The following PRKCB variants were observed in gnomAD, a reference collection of about 807,000 sequenced individuals.
The protein encoded by PRKCB is protein kinase C beta.
PRKCB carries 13 observed loss-of-function variants against 81.5 expected under a neutral mutation model. The ratio of observed to expected loss-of-function variants is 0.16; its 90% CI spans 0.10 to 0.25. The LOEUF is 0.25. Among genes scored for constraint, PRKCB ranks in the 10% least tolerant of loss-of-function variants. The pLI, the probability that PRKCB is intolerant of heterozygous loss-of-function variation, is 1.00. For missense variants in PRKCB, 509 were observed against 875.7 expected (o/e 0.58, Z 5.29); for synonymous variants, 335 against 321.4 (o/e 1.04, Z -0.45).
intron 2 of PRKCB, among the ~76,000 whole-genome samples, chr16:23,881,296 A>G (rs1197287453): frequency 1.5e-5 from 2 of 136,346 alleles, no homozygotes; most frequent in Non-Finnish European, 3.0e-5. Flanking sequence ...TCTGTTGCCC[A>G]GGCTGAAGTG....
Position 24,183,238 on chromosome 16 carries a change from C to A in PRKCB, c.1534-1873C>A, listed in dbSNP as rs538716689. 2.6e-5 allele frequency among the ~76,000 whole-genome samples: 4 copies of A among 152,234 alleles called. No homozygotes were observed. In the East Asian group the frequency reaches 7.7e-4, roughly 29 times the overall value. The stretch of plus-strand genomic sequence containing the variant: ...CATAATTGACCAGTAAAATTGTATA[C>A]ATTTATCATGTGCAACATGTTGTTC... On this transcript the variant is annotated intron_variant, in intron 13 of 16. Transcript: ENST00000643927.
chr16:23,860,444 A>G (rs1962647299), intron 2 of PRKCB, among the ~76,000 whole-genome samples: 1 of 152,216 alleles, frequency 6.6e-6, no homozygotes, highest in Non-Finnish European at 1.5e-5. Flanking sequence ...ACTGGAAGTC[A>G]TGAGAAGTCA....
chr16:23,864,653 G>A (rs72777940), intron 2 of PRKCB, among the ~76,000 whole-genome samples: 13,574 of 152,264 alleles, frequency 0.089, 691 homozygotes, highest in Middle Eastern at 0.18. Context: ...ACGGAAGGTG[G>A]AGTTTGCTTC....
chr16:24,080,053 G>T (rs1966229576), intron 5 of PRKCB, among the ~76,000 whole-genome samples: 1 of 152,104 alleles, frequency 6.6e-6, no homozygotes, highest in African/African-American at 2.4e-5. Context: ...AATTATGAAA[G>T]ATTTTTGTTT....
chr16:24,189,029 C>T (rs1461849184), intron 15 of PRKCB, among the ~76,000 whole-genome samples: 2 of 152,148 alleles, frequency 1.3e-5, no homozygotes, highest in Non-Finnish European at 2.9e-5. Flanking sequence ...TCCTCCCATC[C>T]TAATCTTACA....
Position 24,215,955 on chromosome 16 carries a change from G to A in PRKCB, c.*1139G>A, listed in dbSNP as rs1009215596. The A allele has an allele frequency of 1.0e-6, 1 of 982,560 alleles. No homozygotes were observed. Among genetic ancestry groups the A allele is most frequent in the African/African-American group, 1.8e-5 (1 of 56,468 alleles). 60.9% of individuals were successfully genotyped at this position (982,560 alleles called of 1,614,324 possible). A position where few individuals can be genotyped will look rare whatever the true frequency, so the allele number is the denominator to read the frequency against. On this transcript the variant is annotated 3_prime_UTR_variant, in exon 17 of 17. Coordinates refer to ENST00000643927, the MANE Select transcript of PRKCB (RefSeq NM_002738.7). ...TCATTTGTATCTGGATCTCTGTTAT[G>A]TGCCATTTTTCTTCTAGCATCGAGA...
At chr16:24,130,512 C>T (rs993985800) in intron 9 of PRKCB, among the ~76,000 whole-genome samples, 1 of 152,164 alleles carries the variant, frequency 6.6e-6, no homozygotes, top group Non-Finnish European at 1.5e-5. Context: ...TGACAGGGCA[C>T]CTAAACTTTT....
intron 4 of PRKCB, among the ~76,000 whole-genome samples, chr16:24,033,752 A>C (rs1334697445): frequency 6.6e-6 from 1 of 152,110 alleles, no homozygotes; most frequent in Admixed American, 6.5e-5. Flanking sequence ...ACAGAGTGAG[A>C]CTCTCAAAGA....
chr16:24,082,234 T>C (rs1024113960), intron 5 of PRKCB, among the ~76,000 whole-genome samples: 26 of 152,194 alleles, frequency 1.7e-4, no homozygotes, highest in Non-Finnish European at 3.5e-4. Flanking sequence ...AATGAAGAGA[T>C]AACCCATGTT....
At chr16:24,113,254 T>C (rs1026921010) in intron 8 of PRKCB, among the ~76,000 whole-genome samples, 185 bp downstream of exon 8, 2 of 150,208 alleles carry the variant, frequency 1.3e-5, no homozygotes, top group African/African-American at 4.9e-5. Context: ...CTTGCTTGCT[T>C]TCTCGCTTTC....
intron 2 of PRKCB, among the ~76,000 whole-genome samples, chr16:23,877,995 G>C (rs1266545722): frequency 6.6e-6 from 1 of 151,948 alleles, no homozygotes; most frequent in African/African-American, 2.4e-5. Flanking sequence ...CACCACTCCT[G>C]GCTAATTTTT....
rs981610749 is a variant in PRKCB, at chr16:24,022,212, T to A, written c.289-9924T>A. On this transcript the variant is annotated intron_variant, in intron 3 of 16. Transcript: ENST00000643927. ...CTCACTCGGGAGTTTAGGGGATGTGTTCACATGGGGTTGGATTCCAGCACT... is the reference window on the plus strand; with the variant it reads ...CTCACTCGGGAGTTTAGGGGATGTGATCACATGGGGTTGGATTCCAGCACT... Among the ~76,000 whole-genome samples the A allele has an allele frequency of 9.9e-5, 15 of 152,062 alleles. No homozygotes were observed. The East Asian group carries it at 1.4e-3, about 14-fold the overall frequency.
At chr16:23,942,180 T>G (rs1389747499) in intron 2 of PRKCB, among the ~76,000 whole-genome samples, 2 of 152,192 alleles carry the variant, frequency 1.3e-5, no homozygotes. Context: ...CTCCTCCGCA[T>G]GCTTGGCAGA....
chr16:24,133,272 C>T (rs1270453789), intron 9 of PRKCB, among the ~76,000 whole-genome samples: 1 of 152,318 alleles, frequency 6.6e-6, no homozygotes, highest in Admixed American at 6.5e-5. Context: ...AGACAAACCA[C>T]ATACTCCTAG....
At chr16:24,028,792 G>A (rs901156496) in intron 3 of PRKCB, among the ~76,000 whole-genome samples, 10 of 151,896 alleles carry the variant, frequency 6.6e-5, no homozygotes, top group African/African-American at 2.4e-4. Context: ...TTCATGTATG[G>A]ATATGGTTGT....
At chr16:24,066,055 G>A (rs1262680538) in intron 5 of PRKCB, among the ~76,000 whole-genome samples, 1 of 147,176 alleles carries the variant, frequency 6.8e-6, no homozygotes, top group Non-Finnish European at 1.5e-5. Flanking sequence ...TTGATTTTCA[G>A]CAATGTGACT....
intron 5 of PRKCB, among the ~76,000 whole-genome samples, chr16:24,090,418 A>G (rs1419831100): frequency 6.6e-6 from 1 of 152,138 alleles, no homozygotes; most frequent in African/African-American, 2.4e-5. Flanking sequence ...TTTTCCAGCA[A>G]TGGTCAGCTG....
chr16:24,165,357 A>G (rs1428808721), intron 10 of PRKCB, among the ~76,000 whole-genome samples: 3 of 152,198 alleles, frequency 2.0e-5, no homozygotes, highest in African/African-American at 7.2e-5. Flanking sequence ...TCTATTTTAG[A>G]TTAGGGTTTG....
chr16:24,123,800 C>G, intron 8 of PRKCB, 35 bp from the exon 9 acceptor site: 1 of 1,610,370 alleles, frequency 6.2e-7, no homozygotes. Context: ...GTCCTCAAAC[C>G]CTGAGCATGT....
Sources: gnomAD v4.1 joint callset for allele counts (sites outside exome capture counted in the v4.1 genomes callset) on GRCh38, gnomAD v4.1.1 for gene constraint, MANE v1.5 for transcripts, NCBI Gene and HGNC (gene_info 2026-07-23, HGNC 2026-07-21) for gene names.